WDPCP: variants seen among roughly 807,000 people sequenced by gnomAD.
The protein encoded by WDPCP is WD repeat containing planar cell polarity effector, also known as WD repeat-containing and planar cell polarity effector protein fritz homolog.
WDPCP carries 71 observed loss-of-function variants against 93.1 expected under a neutral mutation model. The observed-to-expected ratio is 0.76, with a 90% CI of 0.63 to 0.93. The LOEUF (loss-of-function observed/expected upper bound fraction) is 0.93. WDPCP is among the 40% of genes least tolerant of loss of function. The probability of loss-of-function intolerance (pLI) is 0.00; values close to 1 mark genes in which losing one functional copy is unlikely to be tolerated. For missense variants in WDPCP, 844 were observed against 887.4 expected (o/e 0.95, Z 0.62); for synonymous variants, 315 against 315.0 (o/e 1.00, Z 0.00).
intron 13 of WDPCP, among the ~76,000 whole-genome samples, chr2:63,295,802 C>G (rs1292877180): frequency 7.1e-6 from 1 of 141,840 alleles, no homozygotes; most frequent in Non-Finnish European, 1.5e-5. Context: ...ACAAAAAAGC[C>G]CAGGACCAGA....
At chr2:63,223,845 C>T (rs1242575981) in intron 14 of WDPCP, among the ~76,000 whole-genome samples, 1 of 152,028 alleles carries the variant, frequency 6.6e-6, no homozygotes, top group Non-Finnish European at 1.5e-5. Flanking sequence ...AATCATATGG[C>T]CATACTATAT....
chr2:63,590,557 T>C (rs1430697809), upstream of WDPCP: 3 of 152,244 alleles, frequency 2.0e-5, no homozygotes, highest in African/African-American at 7.2e-5. Context: ...ACTTGATAGC[T>C]TTATTCCTTG....
chr2:63,570,666 C>T (rs1384455626), intron 1 of WDPCP, among the ~76,000 whole-genome samples: 1 of 152,086 alleles, frequency 6.6e-6, no homozygotes, highest in African/African-American at 2.4e-5. Context: ...AACAGAATGC[C>T]AAGTACACTA....
chr2:63,189,127 C>G (rs563492819), intron 14 of WDPCP, among the ~76,000 whole-genome samples: 113 of 152,258 alleles, frequency 7.4e-4, no homozygotes, highest in Non-Finnish European at 1.4e-3. Context: ...TCTTGCTCCC[C>G]CTAGAGCCTG....
At chr2:63,419,777 G>A (rs1695708027) in intron 9 of WDPCP, among the ~76,000 whole-genome samples, 1 of 152,114 alleles carries the variant, frequency 6.6e-6, no homozygotes, top group Non-Finnish European at 1.5e-5. Flanking sequence ...AAGGTCACCT[G>A]ATATATAAAT....
intron 14 of WDPCP, among the ~76,000 whole-genome samples, chr2:63,195,886 T>C (rs949638109): frequency 6.6e-6 from 1 of 152,202 alleles, no homozygotes; most frequent in African/African-American, 2.4e-5. Flanking sequence ...AATATAAAGA[T>C]TGAACATTAA....
At chr2:63,604,920 TGAGA>T in intron 3 of WDPCP, 2 of 1,588,112 alleles carry the variant, frequency 1.3e-6, no homozygotes, top group Non-Finnish European at 1.7e-6. Context: ...AAAGAACTCT[TGAGA>T]GACTCTTAGG....
chr2:63,219,717 C>G (rs1295389347), intron 14 of WDPCP, among the ~76,000 whole-genome samples: 1 of 151,966 alleles, frequency 6.6e-6, no homozygotes, highest in Non-Finnish European at 1.5e-5. Flanking sequence ...ATAGTAAAAA[C>G]AGGCCGGACA....
intron 2 of WDPCP, among the ~76,000 whole-genome samples, chr2:63,711,925 C>T (rs1230571640): frequency 1.3e-5 from 2 of 152,216 alleles, no homozygotes; most frequent in African/African-American, 4.8e-5. Flanking sequence ...TCCCTTGCTA[C>T]TGCTGCTGGG....
At chr2:63,595,839 G>A (rs1392338265) in intron 3 of WDPCP, among the ~76,000 whole-genome samples, 4 of 152,076 alleles carry the variant, frequency 2.6e-5, no homozygotes, top group South Asian at 4.2e-4. Context: ...TATAGACAAC[G>A]TAGGAATTGT....
intron 15 of WDPCP, among the ~76,000 whole-genome samples, chr2:63,154,329 C>T (rs1472711800): frequency 6.6e-6 from 1 of 152,062 alleles, no homozygotes; most frequent in Non-Finnish European, 1.5e-5. Flanking sequence ...AACCTATACA[C>T]CCTGGCAACC....
At chr2:63,415,276 T>C (rs1384408456) in intron 9 of WDPCP, among the ~76,000 whole-genome samples, 2 of 152,054 alleles carry the variant, frequency 1.3e-5, no homozygotes, top group South Asian at 2.1e-4. Flanking sequence ...GGTGGGAGGA[T>C]CACTTGAGCA....
At chr2:63,498,242 T>C (rs1701343965) in intron 1 of WDPCP, among the ~76,000 whole-genome samples, 1 of 152,208 alleles carries the variant, frequency 6.6e-6, no homozygotes, top group African/African-American at 2.4e-5. Context: ...ACATAAGGCA[T>C]TGATGACAGT....
intron 10 of WDPCP, among the ~76,000 whole-genome samples, chr2:63,382,824 T>C (rs2104910898): frequency 6.6e-6 from 1 of 152,240 alleles, no homozygotes; most frequent in South Asian, 2.1e-4. Context: ...ATCTGGGGAA[T>C]TGCCCTGACT....
intron 12 of WDPCP, among the ~76,000 whole-genome samples, chr2:63,375,526 T>G (rs1691777746): frequency 6.6e-6 from 1 of 151,920 alleles, no homozygotes; most frequent in Admixed American, 6.6e-5. Context: ...TTATGAAAAT[T>G]GATCACTTTG....
At position 63,404,143 on chromosome 2, in the gene WDPCP, T is replaced by C. The variant is rs2105185377; in HGVS notation, c.1340A>G (p.Gln447Arg). 6.2e-7 allele frequency: 1 copy of C among 1,614,094 alleles called. No individual in the cohort carries two copies. Among genetic ancestry groups the C allele is most frequent in the Non-Finnish European group, 8.5e-7 (1 of 1,179,994 alleles). The stretch of plus-strand genomic sequence containing the variant: ...ACCTTCACCCTTCTGAGAAACAACC[T>C]GAGGAGCTATCCATTGCATTTGAAC... ...SLVQMQWIAP[Q>R]VVSQKGEGSD... is the part of the protein sequence containing the mutation. Residue 447 changes from glutamine to arginine, a missense_variant, in exon 10 of 18, where the codon CAG (glutamine) becomes CGG (arginine). Coordinates refer to ENST00000272321, the MANE Select transcript of WDPCP (RefSeq NM_015910.7).
At chr2:63,484,520 CTAACA>C in intron 6 of WDPCP, 79 bp downstream of exon 6, 1 of 1,543,670 alleles carries the variant, frequency 6.5e-7, no homozygotes, top group Non-Finnish European at 8.9e-7. Context: ...TGTCCATTAC[CTAACA>C]TAACACAAGA....
chr2:63,241,757 CA>C (rs754895392), intron 14 of WDPCP, among the ~76,000 whole-genome samples: 23 of 152,000 alleles, frequency 1.5e-4, no homozygotes, highest in Non-Finnish European at 2.6e-4. Context: ...CCACCATGCC[CA>C]GCTAAATTTT....
intron 14 of WDPCP, among the ~76,000 whole-genome samples, chr2:63,191,886 C>T (rs1405236235): frequency 1.3e-5 from 2 of 152,130 alleles, no homozygotes; most frequent in East Asian, 3.9e-4. Flanking sequence ...TTTATTGGAG[C>T]ATAGCCATGC....
Sources: gnomAD v4.1 joint callset for allele counts (sites outside exome capture counted in the v4.1 genomes callset) on GRCh38, gnomAD v4.1.1 for gene constraint, MANE v1.5 for transcripts, NCBI Gene and HGNC (gene_info 2026-07-23, HGNC 2026-07-21) for gene names.